Variants in PDE9A observed in about 807,000 individuals in gnomAD.
PDE9A encodes high affinity cGMP-specific 3',5'-cyclic phosphodiesterase 9A.
PDE9A carries 60 observed loss-of-function variants against 87.4 expected under a neutral mutation model. The observed-to-expected ratio is 0.69, with a 90% CI of 0.56 to 0.85. The LOEUF is 0.85. Among genes scored for constraint, PDE9A ranks in the 40% least tolerant of loss-of-function variants. The pLI is 0.00. For synonymous variants in PDE9A, 272 were observed against 279.4 expected (o/e 0.97, Z 0.27); for missense variants, 665 against 779.0 (o/e 0.85, Z 1.74).
chr21:42,689,636 G>C (rs2059679351), intron 3 of PDE9A: 7 of 985,442 alleles, frequency 7.1e-6, no homozygotes, highest in Non-Finnish European at 8.4e-6. Context: ...AACTCGGCGG[G>C]AAATAGGAGA....
At chr21:42,731,976 C>T (rs1351213675) in intron 5 of PDE9A, 27 bp downstream of exon 5, 3 of 1,612,192 alleles carry the variant, frequency 1.9e-6, no homozygotes, top group Admixed American at 3.4e-5. Flanking sequence ...CGGCCACAGC[C>T]TCCACCCCCC....
At chr21:42,700,510 C>G (rs1463707660) in intron 4 of PDE9A, among the ~76,000 whole-genome samples, 1 of 152,136 alleles carries the variant, frequency 6.6e-6, no homozygotes, top group Non-Finnish European at 1.5e-5. Flanking sequence ...CTCTCACGAC[C>G]AGCCTGGGTG....
intron 15 of PDE9A, among the ~76,000 whole-genome samples, 186 bp from the exon 16 acceptor site, chr21:42,768,002 G>A (rs2284976): frequency 0.43 from 65,571 of 152,026 alleles, 15,063 homozygotes; most frequent in African/African-American, 0.59. Flanking sequence ...GACCCAAACA[G>A]GACCTTGAAG....
rs576815466 is a variant in PDE9A, at chr21:42,733,490, T to C, written c.568+64T>C. 6.4e-6 allele frequency: 6 copies of C among 934,530 alleles called. No homozygotes were observed. In the African/African-American group the frequency reaches 8.0e-5, roughly 13 times the overall value. 57.9% of individuals were successfully genotyped at this position (934,530 alleles called of 1,614,324 possible). On this transcript the variant is annotated intron_variant, in intron 7 of 19. Transcript: ENST00000291539. ...TTTAACCTCTATTCAAATTAACCAC[T>C]TGGAACGGGGAGGAGTTCAGTGCCG... is the stretch of plus-strand genomic sequence containing the variant.
intron 14 of PDE9A, among the ~76,000 whole-genome samples, chr21:42,764,901 C>T (rs759354265): frequency 2.0e-5 from 3 of 151,950 alleles, no homozygotes; most frequent in Non-Finnish European, 4.4e-5. Flanking sequence ...GTATCTGATG[C>T]TTGTTGTTTT....
intron 4 of PDE9A, among the ~76,000 whole-genome samples, chr21:42,711,587 ATT>A (rs1308726716): frequency 6.6e-6 from 1 of 151,752 alleles, no homozygotes; most frequent in Non-Finnish European, 1.5e-5. Flanking sequence ...GGCCCTAATA[ATT>A]TTTTTTATCC....
In PDE9A at chr21:42,733,344, T is replaced by A. The variant is rs1425368530; in HGVS notation, c.498-12T>A. The A allele has an allele frequency of 1.3e-6, 2 of 1,541,614 alleles. No individual in the cohort carries two copies. The highest frequency in any genetic ancestry group is 4.5e-5 in the East Asian group (2 of 44,526). ...GGTCATATTTACTCTCTCTTTTCTT[T>A]TTCATTCCTAGAGCATTCAAAATCA... On this transcript the variant is annotated splice_polypyrimidine_tract_variant and intron_variant, in intron 6 of 19. Transcript: ENST00000291539.
chr21:42,686,532 C>T (rs991539831), intron 2 of PDE9A, among the ~76,000 whole-genome samples: 3 of 152,068 alleles, frequency 2.0e-5, no homozygotes, highest in African/African-American at 7.2e-5. Flanking sequence ...GTGGGTTTTT[C>T]TGCCGGGCGT....
intron 9 of PDE9A, among the ~76,000 whole-genome samples, chr21:42,752,073 A>T (rs956503540): frequency 6.6e-6 from 1 of 151,970 alleles, no homozygotes; most frequent in Admixed American, 6.6e-5. Context: ...TCATGCTAAG[A>T]TTCAGGGGGC....
intron 2 of PDE9A, among the ~76,000 whole-genome samples, chr21:42,687,563 G>A (rs1471931176): frequency 1.3e-5 from 2 of 151,952 alleles, no homozygotes; most frequent in East Asian, 1.9e-4. Context: ...CACTGGAAGC[G>A]GAAAGACAAA....
intron 7 of PDE9A, among the ~76,000 whole-genome samples, chr21:42,736,907 G>A (rs748485445): frequency 6.6e-6 from 1 of 152,266 alleles, no homozygotes; most frequent in Non-Finnish European, 1.5e-5. Flanking sequence ...TTAGCGGGAG[G>A]TGGCCAGGAT....
At chr21:42,717,344 G>A (rs1404613785) in intron 4 of PDE9A, among the ~76,000 whole-genome samples, 1 of 118,576 alleles carries the variant, frequency 8.4e-6, no homozygotes, top group Non-Finnish European at 1.6e-5. Flanking sequence ...TGTCGCCCAG[G>A]TTGGAGTGTA....
At chr21:42,670,617 A>G (rs534363391) in intron 1 of PDE9A, among the ~76,000 whole-genome samples, 3,511 of 151,490 alleles carry the variant, frequency 0.023, 66 homozygotes, top group South Asian at 0.047. Flanking sequence ...ACACACTATC[A>G]CATTCACACA....
At chr21:42,772,841 C>T (rs1226042395) in intron 19 of PDE9A, among the ~76,000 whole-genome samples, 1 of 151,068 alleles carries the variant, frequency 6.6e-6, no homozygotes, top group Non-Finnish European at 1.5e-5. Flanking sequence ...ACCATGTTGG[C>T]CAGGCTGGTC....
Position 42,736,576 on chromosome 21 carries a change from T to A in PDE9A, c.568+3150T>A, listed in dbSNP as rs543108799. ...CTGGCGCTTCTATGGGTAAAACCGG[T>A]TGTGACTAGTTGTACTGATTTCTAG... On this transcript the variant is annotated intron_variant, in intron 7 of 19. Transcript: ENST00000291539. Among the ~76,000 whole-genome samples, 11 of 152,182 alleles carry A rather than the reference T, an allele frequency of 7.2e-5. 1 individual carries two copies. Among genetic ancestry groups the A allele is most frequent in the South Asian group, 6.3e-4 (3 of 4,800 alleles).
chr21:42,686,263 G>A lies in PDE9A; in HGVS notation c.140+1G>A, dbSNP rs2059461551. 1 of 1,612,094 alleles carries A rather than the reference G, an allele frequency of 6.2e-7. No individual in the cohort carries two copies. The highest frequency in any genetic ancestry group is 8.5e-7 in the Non-Finnish European group (1 of 1,178,348). ...TCTGCATCGCCACCGGCCTGCCTCG[G>A]TGAGTGCGCGCTGCGGGCTCTGCCC... On this transcript the variant is annotated splice_donor_variant, in intron 2 of 19. Coordinates refer to ENST00000291539, the MANE Select transcript of PDE9A (RefSeq NM_002606.3). LOFTEE classifies it high-confidence loss of function.
intron 1 of PDE9A, among the ~76,000 whole-genome samples, chr21:42,677,114 C>T (rs770348003): frequency 8.5e-5 from 13 of 152,206 alleles, no homozygotes; most frequent in Non-Finnish European, 1.8e-4. Context: ...ATGCTGTGTA[C>T]ATGCCTGGGC....
chr21:42,678,277 T>C (rs1218017214), intron 1 of PDE9A, among the ~76,000 whole-genome samples: 2 of 152,244 alleles, frequency 1.3e-5, no homozygotes, highest in African/African-American at 2.4e-5. Context: ...CTAATTGCTC[T>C]GAAGAGGGAA....
intron 3 of PDE9A, chr21:42,689,527 A>T (rs1361004250): frequency 1.0e-6 from 1 of 985,126 alleles, no homozygotes; most frequent in Non-Finnish European, 1.2e-6. Flanking sequence ...CTCAGAGGGG[A>T]CCTCACAGAA....
Sources: gnomAD v4.1 joint callset for allele counts (sites outside exome capture counted in the v4.1 genomes callset) on GRCh38, gnomAD v4.1.1 for gene constraint, MANE v1.5 for transcripts, NCBI Gene and HGNC (gene_info 2026-07-23, HGNC 2026-07-21) for gene names.